Variants in ABCB9 observed in about 807,000 individuals in gnomAD.
ABCB9 encodes the protein ATP binding cassette subfamily B member 9.
ABCB9 carries 36 observed loss-of-function variants against 62.0 expected under a neutral mutation model. The ratio of observed to expected loss-of-function variants is 0.58; its 90% CI spans 0.45 to 0.77. The LOEUF (loss-of-function observed/expected upper bound fraction) is 0.77, where lower values mean the gene tolerates loss of function less well. Among genes scored for constraint, ABCB9 ranks in the 30% least tolerant of loss-of-function variants. ABCB9 has a pLI of 0.00. For missense variants in ABCB9, 943 were observed against 1,054.7 expected, an observed-to-expected ratio of 0.89 and a Z score of 1.47; for synonymous variants, 435 against 461.4, an observed-to-expected ratio of 0.94 and a Z score of 0.73.
chr12:122,948,732 C>T lies in ABCB9; in HGVS notation c.945G>A (p.Thr315=), dbSNP rs1353182633. ...NVFLRNTVKV[T]GVVVFMFSLS... ...GGCTGAACATGAAGACCACCACGCC[C>T]GTGACCTTGACTGTGTTCCGCAGGA... is the stretch of plus-strand genomic sequence containing the variant. The change falls in exon 5 of 12, where the codon ACG becomes ACA. Residue 315 remains threonine, a synonymous_variant. Transcript: ENST00000280560. The T allele has an allele frequency of 1.1e-5, 17 of 1,613,866 alleles. No homozygotes were observed. The highest frequency in any genetic ancestry group is 2.2e-5 in the East Asian group (1 of 44,866).
chr12:122,957,329 AC>A (rs1191726481), intron 2 of ABCB9, among the ~76,000 whole-genome samples: 3 of 152,156 alleles, frequency 2.0e-5, no homozygotes, highest in African/African-American at 4.8e-5. Context: ...GACATGAGCC[AC>A]TGCACCCAGC....
In ABCB9 at chr12:122,947,486, C is replaced by A. The variant is rs146406614; in HGVS notation, c.1053+1138G>T. 1 of 454,986 alleles carries A rather than the reference C, an allele frequency of 2.2e-6. No homozygotes were observed. The highest frequency in any genetic ancestry group is 2.0e-5 in the African/African-American group (1 of 50,046). The allele number at this position is 454,986 out of a possible 1,614,324, so 28.2% of individuals were successfully genotyped here. On this transcript the variant is annotated intron_variant, in intron 5 of 11. Transcript: ENST00000280560. The surrounding 1 kb of genome is among the most constrained non-coding windows in gnomAD (Gnocchi z 6.0). Reference sequence around the variant, plus strand: ...GCGACAATGACTTACCCGGCACCACCTGGAGGCCGTCATGCATCCAAGCCC... The same window carrying A: ...GCGACAATGACTTACCCGGCACCACATGGAGGCCGTCATGCATCCAAGCCC...
intron 1 of ABCB9, among the ~76,000 whole-genome samples, chr12:122,965,881 G>T (rs1012138142): frequency 2.6e-5 from 4 of 152,232 alleles, no homozygotes; most frequent in African/African-American, 9.6e-5. Context: ...GCAGGAACAG[G>T]CCAGATCCCC....
In ABCB9 at chr12:122,948,612, G is replaced by A. The variant is rs752818824; in HGVS notation, c.1053+12C>T. 1.2e-6 allele frequency: 2 copies of A among 1,603,756 alleles called. No homozygotes were observed. Among genetic ancestry groups the A allele is most frequent in the Admixed American group, 3.4e-5 (2 of 58,948 alleles). On this transcript the variant is annotated intron_variant, in intron 5 of 11. Coordinates refer to ENST00000280560, the MANE Select transcript of ABCB9 (RefSeq NM_019625.4). ...GGGTGCACAGTCCCCAGCAGAGACAGGGCAGGCCTACCTTGTAGTACTTGC... is the reference window on the plus strand; with the variant it reads ...GGGTGCACAGTCCCCAGCAGAGACAAGGCAGGCCTACCTTGTAGTACTTGC...
In ABCB9 at chr12:122,930,227, T is replaced by C; in HGVS notation, c.2041-56A>G. ...GGCACGGACGCCCCACCCGCAACCG[T>C]GCTTCATGCCACGGCCTATGGGCTG... On this transcript the variant is annotated intron_variant, in intron 11 of 11. Coordinates refer to ENST00000280560, the MANE Select transcript of ABCB9 (RefSeq NM_019625.4). The surrounding 1 kb of genome is among the most constrained non-coding windows in gnomAD (Gnocchi z 4.9). 2 of 1,476,648 alleles carry C rather than the reference T, an allele frequency of 1.4e-6. No individual in the cohort carries two copies. The highest frequency in any genetic ancestry group is 1.3e-5 in the South Asian group (1 of 76,682). The allele number at this position is 1,476,648 out of a possible 1,614,324, so 91.5% of individuals were successfully genotyped here. A position where few individuals can be genotyped will look rare whatever the true frequency, so the allele number is the denominator to read the frequency against.
intron 5 of ABCB9, chr12:122,948,070 C>A (rs565681596): frequency 1.3e-5 from 2 of 152,754 alleles, no homozygotes; most frequent in Admixed American, 1.3e-4. Flanking sequence ...GTAGCTGGGA[C>A]CACAGGCATG....
intron 1 of ABCB9, among the ~76,000 whole-genome samples, chr12:122,973,881 CA>C (rs1339301488): frequency 2.0e-5 from 3 of 151,198 alleles, no homozygotes; most frequent in African/African-American, 7.3e-5. Context: ...AACAAACAAA[CA>C]AAAAACAAAA....
Position 122,940,025 on chromosome 12 carries a change from C to G in ABCB9, c.1743+86G>C. The G allele has an allele frequency of 6.8e-7, 1 of 1,478,282 alleles. No individual in the cohort carries two copies. The highest frequency in any genetic ancestry group is 2.5e-5 in the East Asian group (1 of 40,126). 91.6% of individuals were successfully genotyped at this position (1,478,282 alleles called of 1,614,324 possible). On this transcript the variant is annotated intron_variant, in intron 9 of 11. Transcript: ENST00000280560. This position sits in a 1 kb window ranked among gnomAD's most constrained non-coding sequence, Gnocchi z 4.8. Reference sequence around the variant, plus strand: ...TTGAACTGTCCATTTATCTCTAGTGCCCTCTTCCGCACCTGTTACAGCTCA... The same window carrying G: ...TTGAACTGTCCATTTATCTCTAGTGGCCTCTTCCGCACCTGTTACAGCTCA...
chr12:122,950,020 A>T, intron 3 of ABCB9, 102 bp from the exon 4 acceptor site: 4 of 1,510,040 alleles, frequency 2.6e-6, no homozygotes, highest in Non-Finnish European at 3.6e-6. Flanking sequence ...GCCCCACCGC[A>T]GCCCCACTCC....
chr12:122,973,586 A>C (rs1594090663), intron 1 of ABCB9, among the ~76,000 whole-genome samples: 5 of 139,112 alleles, frequency 3.6e-5, no homozygotes, highest in South Asian at 2.3e-4. Flanking sequence ...AAGAAAAAAA[A>C]AAAAAAAAAA....
chr12:122,967,304 C>T (rs546410734), upstream of ABCB9, among the ~76,000 whole-genome samples: 2 of 152,318 alleles, frequency 1.3e-5, no homozygotes, highest in South Asian at 4.1e-4. Context: ...AGGCGTGAGC[C>T]ACGGGGAGGG....
Position 122,929,272 on chromosome 12 carries a change from C to T in ABCB9, c.*639G>A. 8 of 986,092 alleles carry T rather than the reference C, an allele frequency of 8.1e-6. No homozygotes were observed. Among genetic ancestry groups the T allele is most frequent in the Non-Finnish European group, 9.6e-6 (8 of 830,114 alleles). The allele number at this position is 986,092 out of a possible 1,614,324, so 61.1% of individuals were successfully genotyped here. On this transcript the variant is annotated 3_prime_UTR_variant, in exon 12 of 12. Coordinates refer to ENST00000280560, the MANE Select transcript of ABCB9 (RefSeq NM_019625.4). This position sits in a 1 kb window ranked among gnomAD's most constrained non-coding sequence, Gnocchi z 6.0. ...AGACCTGGCCAGCCCCTCACTCCCCCAGTTGAGGTTTCGTGTGGTTCACAG... is the reference window on the plus strand; with the variant it reads ...AGACCTGGCCAGCCCCTCACTCCCCTAGTTGAGGTTTCGTGTGGTTCACAG...
At chr12:122,922,288 C>T (rs1227594903) in intron 11 of ABCB9, among the ~76,000 whole-genome samples, 1 of 152,166 alleles carries the variant, frequency 6.6e-6, no homozygotes, top group African/African-American at 2.4e-5. Context: ...ATAACAAACA[C>T]ATGGTACCCA....
Position 122,957,950 on chromosome 12 carries a change from G to A in ABCB9, c.601+1685C>T, listed in dbSNP as rs557532490. On this transcript the variant is annotated intron_variant, in intron 2 of 11. Transcript: ENST00000280560. ...CTTGGGAGGCCAAGGCAGGCAGATC[G>A]CTTGAACTCAGGAGTTTGAGACTAG... is the stretch of plus-strand genomic sequence containing the variant. 5.9e-4 allele frequency among the ~76,000 whole-genome samples: 89 copies of A among 151,100 alleles called. 1 individual carries two copies. The highest frequency in any genetic ancestry group is 1.2e-3 in the Non-Finnish European group (81 of 67,684).
intron 2 of ABCB9, among the ~76,000 whole-genome samples, chr12:122,955,472 G>A (rs1208309032): frequency 2.0e-5 from 3 of 152,188 alleles, no homozygotes; most frequent in Admixed American, 6.5e-5. Context: ...GCCCATCTCT[G>A]TGCCAGCTAC....
intron 1 of ABCB9, chr12:122,974,587 G>C (rs1241865408): frequency 1.3e-5 from 2 of 152,338 alleles, no homozygotes; most frequent in South Asian, 4.1e-4. Flanking sequence ...GTCTGCAAGA[G>C]TTGTCATTTG....
At chr12:122,965,287 G>T (rs1284766744) in intron 1 of ABCB9, among the ~76,000 whole-genome samples, 1 of 152,248 alleles carries the variant, frequency 6.6e-6, no homozygotes, top group African/African-American at 2.4e-5. Context: ...AGGGGCCAAA[G>T]AACTTGGGTG....
intron 11 of ABCB9, among the ~76,000 whole-genome samples, chr12:122,921,734 G>A (rs1411094891): frequency 1.3e-5 from 2 of 151,798 alleles, no homozygotes; most frequent in South Asian, 2.1e-4. Flanking sequence ...CGGAGATCGC[G>A]CCACTGCACT....
Position 122,930,294 on chromosome 12 carries a change from G to C in ABCB9, c.2041-123C>G. On this transcript the variant is annotated intron_variant, in intron 11 of 11. Coordinates refer to ENST00000280560, the MANE Select transcript of ABCB9 (RefSeq NM_019625.4). The surrounding 1 kb of genome is among the most constrained non-coding windows in gnomAD (Gnocchi z 4.9). Reference sequence around the variant, plus strand: ...AGGCTCAGTTCACAAACGATGGCCAGCTTCCTGGGTTTTTCTTAAAGGGAG... The same window carrying C: ...AGGCTCAGTTCACAAACGATGGCCACCTTCCTGGGTTTTTCTTAAAGGGAG... 9.8e-7 allele frequency: 1 copy of C among 1,019,594 alleles called. No individual in the cohort carries two copies. The highest frequency in any genetic ancestry group is 1.4e-6 in the Non-Finnish European group (1 of 720,336). The allele number at this position is 1,019,594 out of a possible 1,614,324, so 63.2% of individuals were successfully genotyped here.
Sources: allele counts gnomAD v4.1 joint callset (sites outside exome capture counted in the v4.1 genomes callset), GRCh38; gene constraint gnomAD v4.1.1; non-coding constraint Gnocchi (gnomAD v3.1); transcripts MANE v1.5; gene names NCBI Gene and HGNC (gene_info 2026-07-23, HGNC 2026-07-21).